The following BMAL2 variants were observed in gnomAD, a reference collection of about 807,000 sequenced individuals.
BMAL2 encodes the protein basic helix-loop-helix ARNT like 2.
At chr12:27,380,432 C>T in the BMAL2 span, 4,550 of 1,611,778 alleles carry the variant, frequency 2.8e-3, 101 homozygotes, top group African/African-American at 0.051. Context: ...TTCCACACTT[C>T]GATAAGTGAA....
the BMAL2 span, among the ~76,000 whole-genome samples, chr12:27,420,094 C>A: frequency 6.6e-6 from 1 of 151,890 alleles, no homozygotes; most frequent in African/African-American, 2.4e-5. Context: ...CTCTGAGAGT[C>A]TGTACCCTTT....
the BMAL2 span, among the ~76,000 whole-genome samples, chr12:27,354,238 TA>T: frequency 1.3e-5 from 2 of 152,062 alleles, no homozygotes; most frequent in Admixed American, 6.5e-5. Context: ...TACACAGCCA[TA>T]AAAAAGAATG....
chr12:27,422,767 A>G, the BMAL2 span: 1 of 152,278 alleles, frequency 6.6e-6, no homozygotes, highest in Non-Finnish European at 1.5e-5. Flanking sequence ...TAGGGGACTG[A>G]ACCATTGCAG....
chr12:27,418,905 G>A, the BMAL2 span, among the ~76,000 whole-genome samples: 1 of 151,886 alleles, frequency 6.6e-6, no homozygotes, highest in African/African-American at 2.4e-5. Context: ...CTTGAACCTG[G>A]GAAGTGGAGG....
chr12:27,370,882 G>A, the BMAL2 span, among the ~76,000 whole-genome samples: 11 of 151,966 alleles, frequency 7.2e-5, no homozygotes, highest in Non-Finnish European at 1.2e-4. Flanking sequence ...GGGATTATAG[G>A]CATAAGCCAC....
chr12:27,405,343 C>T, the BMAL2 span, among the ~76,000 whole-genome samples: 1 of 152,204 alleles, frequency 6.6e-6, no homozygotes, highest in South Asian at 2.1e-4. Flanking sequence ...CTGGGAGGCA[C>T]CCCCCAGTAG....
the BMAL2 span, among the ~76,000 whole-genome samples, chr12:27,413,361 A>G: frequency 5.3e-5 from 8 of 152,348 alleles, no homozygotes; most frequent in Admixed American, 2.6e-4. Context: ...AAAGATATCA[A>G]TTGTGACATC....
chr12:27,343,040 A>G, the BMAL2 span, among the ~76,000 whole-genome samples: 1 of 152,240 alleles, frequency 6.6e-6, no homozygotes, highest in Non-Finnish European at 1.5e-5. Flanking sequence ...TTATTTAGCA[A>G]AAGGTTTAGA....
At chr12:27,378,150 T>A in the BMAL2 span, among the ~76,000 whole-genome samples, 1 of 152,198 alleles carries the variant, frequency 6.6e-6, no homozygotes, top group East Asian at 1.9e-4. Flanking sequence ...AATCATGTAA[T>A]TCTTGAAATC....
the BMAL2 span, among the ~76,000 whole-genome samples, chr12:27,384,924 A>G: frequency 3.3e-5 from 5 of 152,196 alleles, no homozygotes; most frequent in African/African-American, 4.8e-5. Flanking sequence ...GTTTTTATAT[A>G]TAGCTCTTAA....
the BMAL2 span, among the ~76,000 whole-genome samples, chr12:27,402,847 G>A: frequency 6.6e-6 from 1 of 152,160 alleles, no homozygotes; most frequent in Non-Finnish European, 1.5e-5. Flanking sequence ...TAAATTCAAC[G>A]GGAAATAGAT....
the BMAL2 span, among the ~76,000 whole-genome samples, chr12:27,377,885 A>G: frequency 6.6e-6 from 1 of 152,160 alleles, no homozygotes; most frequent in African/African-American, 2.4e-5. Flanking sequence ...GTCATTGCCG[A>G]GGGTGAATGG....
chr12:27,420,441 A>G, the BMAL2 span: 1 of 1,613,940 alleles, frequency 6.2e-7, no homozygotes, highest in Non-Finnish European at 8.5e-7. Flanking sequence ...GACAATGATG[A>G]CACAGCCATG....
chr12:27,342,403 T>G, the BMAL2 span, among the ~76,000 whole-genome samples: 1 of 152,248 alleles, frequency 6.6e-6, no homozygotes. Context: ...ATAAGTGTAT[T>G]TTATAGAAAT....
chr12:27,383,444 C>T, the BMAL2 span, among the ~76,000 whole-genome samples: 1 of 152,074 alleles, frequency 6.6e-6, no homozygotes, highest in Non-Finnish European at 1.5e-5. Context: ...AATGTGTGGA[C>T]AAGTGTGCAG....
the BMAL2 span, among the ~76,000 whole-genome samples, chr12:27,360,194 CAAACTT>C: frequency 1.3e-5 from 2 of 151,770 alleles, no homozygotes; most frequent in Non-Finnish European, 2.9e-5. Context: ...GAATATCAGA[CAAACTT>C]AAGCTGGAGG....
chr12:27,402,492 C>A, the BMAL2 span: 1 of 699,666 alleles, frequency 1.4e-6, no homozygotes, highest in Non-Finnish European at 2.3e-6. Flanking sequence ...GTGATACTAA[C>A]AATATGTGTA....
chr12:27,337,599 C>G, the BMAL2 span, among the ~76,000 whole-genome samples: 3 of 133,020 alleles, frequency 2.3e-5, no homozygotes, highest in South Asian at 7.0e-4. Context: ...GAAGGCTGAG[C>G]GCAGATGTCA....
At chr12:27,336,446 A>C in the BMAL2 span, among the ~76,000 whole-genome samples, 2 of 152,268 alleles carry the variant, frequency 1.3e-5, no homozygotes, top group Non-Finnish European at 2.9e-5. Context: ...CTAGGACTGC[A>C]GGTGAGATAT....
Sources: gnomAD v4.1 joint callset for allele counts (sites outside exome capture counted in the v4.1 genomes callset) on GRCh38, gnomAD v4.1.1 for gene constraint, MANE v1.5 for transcripts, NCBI Gene and HGNC (gene_info 2026-07-23, HGNC 2026-07-21) for gene names.